ZNF519: variants seen among roughly 807,000 people sequenced by gnomAD.
The protein encoded by ZNF519 is similar to Zinc finger protein 85 (Zinc finger protein HPF4) (HTF1).
A neutral mutation model predicts 7.4 loss-of-function variants in ZNF519; 7 were observed. That is an observed-to-expected ratio of 0.94 (90% CI 0.54 to 1.77). The LOEUF (loss-of-function observed/expected upper bound fraction) is 1.77, where lower values mean the gene tolerates loss of function less well. Among genes scored for constraint, ZNF519 ranks in the 40% most tolerant of loss-of-function variants. The probability of loss-of-function intolerance (pLI) is 0.00; values close to 1 mark genes in which losing one functional copy is unlikely to be tolerated. For synonymous variants in ZNF519, 179 were observed against 203.3 expected, an observed-to-expected ratio of 0.88 and a Z score of 1.02; for missense variants, 586 against 623.1, an observed-to-expected ratio of 0.94 and a Z score of 0.63.
chr18:14,098,261 G>A (rs959517757), downstream of ZNF519, among the ~76,000 whole-genome samples: 5 of 151,204 alleles, frequency 3.3e-5, no homozygotes, highest in African/African-American at 9.7e-5. Context: ...CCCAGGTTCA[G>A]GTAATTCTCC....
intron 2 of ZNF519, chr18:14,122,661 A>T (rs1391437214): frequency 6.6e-6 from 1 of 152,152 alleles, no homozygotes; most frequent in Non-Finnish European, 1.5e-5. Flanking sequence ...AGATGTCCCT[A>T]TCTGTGAATA....
intron 2 of ZNF519, among the ~76,000 whole-genome samples, chr18:14,121,051 G>A (rs900131986): frequency 6.6e-6 from 1 of 151,954 alleles, no homozygotes. Context: ...TACACCTGGA[G>A]GACATTATGC....
At position 14,101,288 on chromosome 18, in the gene ZNF519, G is replaced by C. The variant is rs2046159252; in HGVS notation, c.*3629C>G. The C allele has an allele frequency of 6.4e-6, 1 of 156,652 alleles. No individual in the cohort carries two copies. The highest frequency in any genetic ancestry group is 1.4e-5 in the Non-Finnish European group (1 of 71,124). 9.7% of individuals were successfully genotyped at this position (156,652 alleles called of 1,614,324 possible). Reference sequence around the variant, plus strand: ...CTGCCCCACCACGCCTGCACTGATGGAGTCCACCTGCAGGTCTCATCCAGA... The same window carrying C: ...CTGCCCCACCACGCCTGCACTGATGCAGTCCACCTGCAGGTCTCATCCAGA... On this transcript the variant is annotated 3_prime_UTR_variant, in exon 3 of 3. Transcript: ENST00000590202.
chr18:14,095,932 T>C (rs1897399030), downstream of ZNF519, among the ~76,000 whole-genome samples: 1 of 152,234 alleles, frequency 6.6e-6, no homozygotes, highest in Non-Finnish European at 1.5e-5. Context: ...TGGCCCAGGC[T>C]GACATGGCCT....
rs1408593148 is a variant in ZNF519 at position 14,105,459 on chromosome 18, A to AC, written c.1080dup (p.Ser361ValfsTer19). ...ATTCTCTGGTGTTGAGTAAGGTATG[A>AC]CCCCCTGTTAAAGGCTTTGCCACAT... On this transcript the variant is annotated frameshift_variant, in exon 3 of 3. Transcript: ENST00000590202. LOFTEE classifies it low-confidence loss of function (END_TRUNC). 9 of 1,613,340 alleles carry AC rather than the reference A, an allele frequency of 5.6e-6. No homozygotes were observed. The highest frequency in any genetic ancestry group is 7.6e-6 in the Non-Finnish European group (9 of 1,179,856).
At chr18:14,084,595 C>A (rs909440269) in intron 3 of ZNF519, among the ~76,000 whole-genome samples, 6 of 152,044 alleles carry the variant, frequency 3.9e-5, no homozygotes, top group African/African-American at 1.5e-4. Context: ...GGAGGGTGGG[C>A]AGAGCTTTTC....
chr18:14,087,248 G>A (rs1434581293), intron 2 of ZNF519, among the ~76,000 whole-genome samples: 1 of 152,150 alleles, frequency 6.6e-6, no homozygotes, highest in Non-Finnish European at 1.5e-5. Context: ...AATGGGAAAA[G>A]CTGGATGTTT....
chr18:14,111,549 A>T (rs1374188175), intron 2 of ZNF519, among the ~76,000 whole-genome samples: 2 of 151,394 alleles, frequency 1.3e-5, no homozygotes, highest in African/African-American at 4.8e-5. Context: ...GAAAAGAAAA[A>T]AGAAAAAAAG....
chr18:14,073,275 T>TATTTATTTA (rs1363838552), downstream of ZNF519: 1 of 120,648 alleles, frequency 8.3e-6, no homozygotes, highest in Non-Finnish European at 1.7e-5. Flanking sequence ...TTTATTTATT[T>TATTTATTTA]ATTTATTTAT....
intron 2 of ZNF519, among the ~76,000 whole-genome samples, chr18:14,107,928 A>T (rs1369153547): frequency 6.6e-6 from 1 of 152,032 alleles, no homozygotes; most frequent in Non-Finnish European, 1.5e-5. Flanking sequence ...AAAACGAAGT[A>T]GACTCCTAAG....
At position 14,112,204 on chromosome 18, in the gene ZNF519, T is replaced by C. The variant is rs544931246; in HGVS notation, c.131-5795A>G. ...GCAAATCAATTAATGTAATACATCA[T>C]ATCAACAAAAGAAAGAACAAAAACC... is the stretch of plus-strand genomic sequence containing the variant. On this transcript the variant is annotated intron_variant, in intron 2 of 2. Coordinates refer to ENST00000590202, the MANE Select transcript of ZNF519 (RefSeq NM_145287.4). Among the ~76,000 whole-genome samples, 140 of 152,240 alleles carry C rather than the reference T, an allele frequency of 9.2e-4. 1 individual carries two copies. The highest frequency in any genetic ancestry group is 9.1e-3 in the South Asian group (44 of 4,814).
chr18:14,086,405 C>T (rs1175651366), intron 2 of ZNF519, among the ~76,000 whole-genome samples: 5 of 152,332 alleles, frequency 3.3e-5, no homozygotes, highest in East Asian at 1.9e-4. Context: ...CCCTGCGCTG[C>T]GCTGGCCTCA....
At chr18:14,107,211 G>C (rs531134086) in intron 2 of ZNF519, among the ~76,000 whole-genome samples, 1 of 152,274 alleles carries the variant, frequency 6.6e-6, no homozygotes, top group Non-Finnish European at 1.5e-5. Flanking sequence ...TACTTAAGAA[G>C]ACAGAAAAGA....
At chr18:14,078,776 T>C (rs2046058922) in intron 3 of ZNF519, among the ~76,000 whole-genome samples, 1 of 146,178 alleles carries the variant, frequency 6.8e-6, no homozygotes, top group African/African-American at 2.4e-5. Context: ...ATAGAATTAA[T>C]CAAATTAATA....
At chr18:14,091,230 A>G (rs1341639742) in intron 2 of ZNF519, among the ~76,000 whole-genome samples, 1 of 152,142 alleles carries the variant, frequency 6.6e-6, no homozygotes, top group Non-Finnish European at 1.5e-5. Context: ...TTACACGGAG[A>G]TGGTTTTCTT....
Position 14,128,694 on chromosome 18 carries a change from C to CACACACAG in ZNF519, c.3+3580_3+3581insCTGTGTGT, listed in dbSNP as rs1406454390. ...GATTAAGACAATTCTGAGTCAAACA[C>CACACACAG]ACACACACACACACACACACACACA... On this transcript the variant is annotated intron_variant, in intron 1 of 2. Transcript: ENST00000590202. Among the ~76,000 whole-genome samples, 115 of 76,516 alleles carry CACACACAG rather than the reference C, an allele frequency of 1.5e-3. 1 individual carries two copies. Among genetic ancestry groups the CACACACAG allele is most frequent in the Middle Eastern group, 0.014 (2 of 138 alleles). 50.2% of individuals were successfully genotyped at this position (76,516 alleles called of 152,430 possible). A position where few individuals can be genotyped will look rare whatever the true frequency, so the allele number is the denominator to read the frequency against.
Position 14,104,819 on chromosome 18 carries a change from C to T in ZNF519, c.*98G>A. 7.8e-7 allele frequency: 1 copy of T among 1,280,962 alleles called. No homozygotes were observed. Among genetic ancestry groups the T allele is most frequent in the South Asian group, 2.3e-5 (1 of 43,708 alleles). The allele number at this position is 1,280,962 out of a possible 1,614,324, so 79.3% of individuals were successfully genotyped here. ...CATTTTGATGTTTCAAAAATCATTA[C>T]ACATATGGGATTTCTATCCAGTATT... On this transcript the variant is annotated 3_prime_UTR_variant, in exon 3 of 3. Coordinates refer to ENST00000590202, the MANE Select transcript of ZNF519 (RefSeq NM_145287.4).
At chr18:14,093,891 C>T (rs1264494723) in intron 2 of ZNF519, among the ~76,000 whole-genome samples, 1 of 152,182 alleles carries the variant, frequency 6.6e-6, no homozygotes, top group African/African-American at 2.4e-5. Flanking sequence ...GGTTATGATT[C>T]ACTATGTATG....
Position 14,101,467 on chromosome 18 carries a change from C to T in ZNF519, c.*3450G>A, listed in dbSNP as rs1421945925. On this transcript the variant is annotated 3_prime_UTR_variant, in exon 3 of 3. Transcript: ENST00000590202. ...GATATTCTTACAAATATGTGAAAGC[C>T]GATTGTACACCTGAACAGTGCTGGG... 3 of 393,412 alleles carry T rather than the reference C, an allele frequency of 7.6e-6. No individual in the cohort carries two copies. The highest frequency in any genetic ancestry group is 1.3e-5 in the Non-Finnish European group (3 of 223,548). The allele number at this position is 393,412 out of a possible 1,614,324, so 24.4% of individuals were successfully genotyped here. A position where few individuals can be genotyped will look rare whatever the true frequency, so the allele number is the denominator to read the frequency against.
Sources: gnomAD v4.1 joint callset for allele counts (sites outside exome capture counted in the v4.1 genomes callset) on GRCh38, gnomAD v4.1.1 for gene constraint, MANE v1.5 for transcripts, NCBI Gene and HGNC (gene_info 2026-07-23, HGNC 2026-07-21) for gene names.